CLIP2: variants seen among roughly 807,000 people sequenced by gnomAD.
The protein encoded by CLIP2 is CAP-Gly domain containing linker protein 2.
Under a neutral mutation model 111.7 loss-of-function variants are expected in CLIP2, and 41 were observed. That is an observed-to-expected ratio of 0.37 (90% confidence interval 0.29 to 0.48). The LOEUF is 0.48. Among genes scored for constraint, CLIP2 ranks in the 20% least tolerant of loss-of-function variants. The pLI, the probability that CLIP2 is intolerant of heterozygous loss-of-function variation, is 0.99. For missense variants in CLIP2, 1,160 were observed against 1,422.1 expected, an observed-to-expected ratio of 0.82 and a Z score of 2.96; for synonymous variants, 660 against 644.2, an observed-to-expected ratio of 1.02 and a Z score of -0.37.
intron 12 of CLIP2, chr7:74,388,792 C>T (rs1380301330): frequency 5.0e-6 from 1 of 200,568 alleles, no homozygotes; most frequent in African/African-American, 2.4e-5. Flanking sequence ...GAGACTTTGT[C>T]TCCAAAAAAA....
intron 14 of CLIP2, among the ~76,000 whole-genome samples, chr7:74,399,359 A>C (rs1473698069): frequency 1.3e-5 from 2 of 152,006 alleles, no homozygotes; most frequent in Non-Finnish European, 2.9e-5. Flanking sequence ...ACCTCATAAC[A>C]AGACCGCATC....
chr7:74,349,468 G>GTC (rs1385137051), intron 3 of CLIP2, among the ~76,000 whole-genome samples: 1 of 61,764 alleles, frequency 1.6e-5, no homozygotes, highest in Non-Finnish European at 3.1e-5. Flanking sequence ...GTGTGTGTGT[G>GTC]TGTATATATA....
chr7:74,373,844 G>C (rs1318397044), intron 9 of CLIP2, among the ~76,000 whole-genome samples: 1 of 152,084 alleles, frequency 6.6e-6, no homozygotes, highest in African/African-American at 2.4e-5. Flanking sequence ...GGGTGCAGGA[G>C]GGGGCTGGGC....
rs782588239 is a variant in CLIP2, at chr7:74,389,278, C to T, written c.2720+19C>T. The stretch of plus-strand genomic sequence containing the variant: ...AGGAGCGGTGAGGCGGCCGTGGGGC[C>T]GGCTGGGTCCTCCCTGTGGCCCTGG... On this transcript the variant is annotated intron_variant, in intron 13 of 16. Coordinates refer to ENST00000223398, the MANE Select transcript of CLIP2 (RefSeq NM_003388.5). 31 of 1,554,062 alleles carry T rather than the reference C, an allele frequency of 2.0e-5. No individual in the cohort carries two copies. The highest frequency in any genetic ancestry group is 7.2e-5 in the East Asian group (3 of 41,898).
chr7:74,376,702 G>C lies in CLIP2; in HGVS notation c.2301G>C (p.Glu767Asp). 6.2e-7 allele frequency: 1 copy of C among 1,613,220 alleles called. No homozygotes were observed. Among genetic ancestry groups the C allele is most frequent in the East Asian group, 2.2e-5 (1 of 44,866 alleles). Residue 767 changes from glutamate to aspartate, a missense_variant, in exon 10 of 17, where the codon GAG (glutamate) becomes GAC (aspartate). This residue lies in a region of CLIP2 where 676 missense variants were observed against 777.8 expected (regional missense o/e 0.87). Transcript: ENST00000223398. This position sits in a 1 kb window ranked among gnomAD's most constrained non-coding sequence, Gnocchi z 7.1. ...CCGAGAAGAAGATGTTGGACTACGA[G>C]CGGCTGCAGCGGGCAGAAGCCCAGG... is the stretch of plus-strand genomic sequence containing the variant. ...SLAEKKMLDY[E>D]RLQRAEAQGK...
At chr7:74,397,557 T>C (rs1554316892) in intron 14 of CLIP2, among the ~76,000 whole-genome samples, 1 of 151,956 alleles carries the variant, frequency 6.6e-6, no homozygotes, top group Non-Finnish European at 1.5e-5. Flanking sequence ...CACAAGCCAG[T>C]TCCTTGCTCA....
At chr7:74,294,345 C>A (rs570883504) in intron 1 of CLIP2, among the ~76,000 whole-genome samples, 1 of 152,190 alleles carries the variant, frequency 6.6e-6, no homozygotes, top group Non-Finnish European at 1.5e-5. Flanking sequence ...GTTAATGAAA[C>A]GTTTCCCTTC....
chr7:74,316,234 TTTTTTGTTTTTG>T (rs1164870229), intron 1 of CLIP2, among the ~76,000 whole-genome samples: 1 of 152,022 alleles, frequency 6.6e-6, no homozygotes, highest in African/African-American at 2.4e-5. Context: ...ACGACTGCAT[TTTTTTGTTTTTG>T]TTTTTGTTTT....
At chr7:74,373,938 A>T (rs1026165898) in intron 9 of CLIP2, among the ~76,000 whole-genome samples, 14 of 152,026 alleles carry the variant, frequency 9.2e-5, no homozygotes, top group Non-Finnish European at 1.6e-4. Flanking sequence ...TGGGTCCTGG[A>T]GCCATGGAAC....
At chr7:74,308,736 C>T (rs1788561912) in intron 1 of CLIP2, among the ~76,000 whole-genome samples, 1 of 152,120 alleles carries the variant, frequency 6.6e-6, no homozygotes, top group Non-Finnish European at 1.5e-5. Flanking sequence ...AACTCCTGAC[C>T]TTCAGTGATC....
At chr7:74,352,888 T>C (rs1485171064) in intron 3 of CLIP2, among the ~76,000 whole-genome samples, 2 of 151,946 alleles carry the variant, frequency 1.3e-5, no homozygotes, top group African/African-American at 2.4e-5. Context: ...GGCACATACC[T>C]ATTGCCCCAT....
In CLIP2 at chr7:74,330,248, C is replaced by CTTTTTTTT. The variant is rs10635770; in HGVS notation, c.122-8193_122-8186dup. On this transcript the variant is annotated intron_variant, in intron 2 of 16. Coordinates refer to ENST00000223398, the MANE Select transcript of CLIP2 (RefSeq NM_003388.5). ...CTAGCTTCCTCTTGGTGTTTCTTTT[C>CTTTTTTTT]TTTTTTTTTTTTTTCTTTCTTTTTT... Among the ~76,000 whole-genome samples the CTTTTTTTT allele has an allele frequency of 2.7e-4, 37 of 136,382 alleles. 1 individual carries two copies. Among genetic ancestry groups the CTTTTTTTT allele is most frequent in the Middle Eastern group, 3.9e-3 (1 of 254 alleles). The allele number at this position is 136,382 out of a possible 152,430, so 89.5% of individuals were successfully genotyped here.
chr7:74,366,392 G>A (rs1413133424), intron 8 of CLIP2, among the ~76,000 whole-genome samples: 1 of 152,122 alleles, frequency 6.6e-6, no homozygotes, highest in Admixed American at 6.6e-5. Context: ...TGGCCTCCAT[G>A]CCCTGGAATG....
In CLIP2 at chr7:74,348,072, C is replaced by T. The variant is rs902775143; in HGVS notation, c.679-5808C>T. 6.6e-5 allele frequency among the ~76,000 whole-genome samples: 10 copies of T among 151,674 alleles called. No homozygotes were observed. The South Asian group carries it at 1.0e-3, about 16-fold the overall frequency. On this transcript the variant is annotated intron_variant, in intron 3 of 16. Coordinates refer to ENST00000223398, the MANE Select transcript of CLIP2 (RefSeq NM_003388.5). ...GCAGGTGCCTGTAGTCTCAGCTACTCGGGAGAATGAGGCCGTAGAATTGGG... is the reference window on the plus strand; with the variant it reads ...GCAGGTGCCTGTAGTCTCAGCTACTTGGGAGAATGAGGCCGTAGAATTGGG...
chr7:74,302,967 G>A (rs1409563111), intron 1 of CLIP2, among the ~76,000 whole-genome samples: 1 of 152,212 alleles, frequency 6.6e-6, no homozygotes, highest in East Asian at 1.9e-4. Context: ...GCAGCTGTGT[G>A]TGTTGCCTGC....
intron 10 of CLIP2, among the ~76,000 whole-genome samples, chr7:74,379,273 G>A (rs1255053024): frequency 1.3e-5 from 2 of 151,730 alleles, no homozygotes; most frequent in Non-Finnish European, 2.9e-5. Context: ...AGGTTGCAGT[G>A]AGCCAAGATC....
At chr7:74,361,585 A>G (rs1790332845) in intron 7 of CLIP2, among the ~76,000 whole-genome samples, 1 of 152,018 alleles carries the variant, frequency 6.6e-6, no homozygotes, top group African/African-American at 2.4e-5. Flanking sequence ...TGGTTTGGCC[A>G]TGGCTCACTG....
Position 74,386,632 on chromosome 7 carries a change from C to T in CLIP2, c.2563+28C>T, listed in dbSNP as rs182918944. The T allele has an allele frequency of 7.3e-4, 1,145 of 1,559,696 alleles. 3 individuals carry two copies. Among genetic ancestry groups the T allele is most frequent in the Non-Finnish European group, 7.6e-4 (877 of 1,148,946 alleles). ...AAGTCTCCCTCCCGCAGGGCAGATG[C>T]GGGGGGCTTTCACTGGGGCCGTGCC... On this transcript the variant is annotated intron_variant, in intron 12 of 16. Coordinates refer to ENST00000223398, the MANE Select transcript of CLIP2 (RefSeq NM_003388.5).
At chr7:74,329,924 C>T (rs999468287) in intron 2 of CLIP2, among the ~76,000 whole-genome samples, 34 of 151,712 alleles carry the variant, frequency 2.2e-4, no homozygotes, top group Non-Finnish European at 1.2e-4. Context: ...GGATTACAAG[C>T]GCGCGCCACC....
Sources: gnomAD v4.1 joint callset for allele counts (sites outside exome capture counted in the v4.1 genomes callset) on GRCh38, gnomAD v4.1.1 for gene constraint, gnomAD v4.1.1 regional missense constraint, Gnocchi (gnomAD v3.1) non-coding constraint, MANE v1.5 for transcripts, NCBI Gene and HGNC (gene_info 2026-07-23, HGNC 2026-07-21) for gene names.